The following PLA2G4F variants were observed in gnomAD, a reference collection of about 807,000 sequenced individuals.
The protein encoded by PLA2G4F is cytosolic phospholipase A2 zeta.
In PLA2G4F, 105 loss-of-function variants were observed where a neutral mutation model predicts 103.1. The observed-to-expected ratio is 1.02, with a 90% CI of 0.87 to 1.20. The LOEUF (loss-of-function observed/expected upper bound fraction) is 1.20, where lower values mean the gene tolerates loss of function less well. PLA2G4F is among the 50% of genes most tolerant of loss of function. The probability of loss-of-function intolerance (pLI) is 0.00; values close to 1 mark genes in which losing one functional copy is unlikely to be tolerated. For missense variants in PLA2G4F, 1,155 were observed against 1,075.9 expected (o/e 1.07, Z -1.03); for synonymous variants, 468 against 441.1 (o/e 1.06, Z -0.76).
chr15:42,141,588 G>A lies in PLA2G4F; in HGVS notation c.*396C>T. ...TCTGCTTTCCATCTCAGTGTAAGGA[G>A]GACAGCTGGCTTCTCAGTGCCCTCA... On this transcript the variant is annotated 3_prime_UTR_variant, in exon 20 of 20. Transcript: ENST00000397272. The A allele has an allele frequency of 2.1e-6, 1 of 465,870 alleles. No individual in the cohort carries two copies. The highest frequency in any genetic ancestry group is 6.8e-5 in the East Asian group (1 of 14,788). The allele number at this position is 465,870 out of a possible 1,614,324, so 28.9% of individuals were successfully genotyped here.
chr15:42,153,376 C>A (rs1351941529), intron 5 of PLA2G4F, 34 bp from the exon 6 acceptor site: 3 of 1,606,118 alleles, frequency 1.9e-6, no homozygotes, highest in African/African-American at 2.7e-5. Context: ...GAGAATACAT[C>A]TGGCCCCATC....
chr15:42,144,382 G>A (rs2048857996), intron 17 of PLA2G4F, 68 bp downstream of exon 17: 2 of 1,573,376 alleles, frequency 1.3e-6, no homozygotes, highest in East Asian at 2.2e-5. Flanking sequence ...AGCCAGCACT[G>A]GCTCCAGTGA....
chr15:42,155,787 C>T (rs1566883194), intron 1 of PLA2G4F, among the ~76,000 whole-genome samples, 198 bp from the exon 2 acceptor site: 1 of 152,138 alleles, frequency 6.6e-6, no homozygotes, highest in Non-Finnish European at 1.5e-5. Flanking sequence ...CCCTGGAACC[C>T]ATCCGGTCTG....
At chr15:42,143,846 C>T (rs2048849662) in intron 18 of PLA2G4F, 132 bp downstream of exon 18, 5 of 1,215,960 alleles carry the variant, frequency 4.1e-6, no homozygotes, top group Non-Finnish European at 4.5e-6. Flanking sequence ...GGAACCCAGG[C>T]CGTCCACAAA....
In PLA2G4F at chr15:42,151,651, A is replaced by C. The variant is rs546796412; in HGVS notation, c.602-874T>G. ...TGAGGCCCGGAGACTCGACATGACCAAGTGTGGGGAGGGAATTCAAGAAAA... is the reference window on the plus strand; with the variant it reads ...TGAGGCCCGGAGACTCGACATGACCCAGTGTGGGGAGGGAATTCAAGAAAA... On this transcript the variant is annotated intron_variant, in intron 7 of 19. Coordinates refer to ENST00000397272, the MANE Select transcript of PLA2G4F (RefSeq NM_213600.4). 83 of 985,304 alleles carry C rather than the reference A, an allele frequency of 8.4e-5. No homozygotes were observed. The African/African-American group carries it at 1.4e-3, about 16-fold the overall frequency. The allele number at this position is 985,304 out of a possible 1,614,324, so 61.0% of individuals were successfully genotyped here.
At chr15:42,152,084 T>C (rs1477675533) in intron 7 of PLA2G4F, among the ~76,000 whole-genome samples, 3 of 152,216 alleles carry the variant, frequency 2.0e-5, no homozygotes, top group Non-Finnish European at 4.4e-5. Flanking sequence ...TGGGTGGCTG[T>C]CCTCTGTGGC....
At position 42,150,776 on chromosome 15, in the gene PLA2G4F, G is replaced by C; in HGVS notation, c.603C>G (p.Gly201=). Residue 201 remains glycine (G), a splice_region_variant and synonymous_variant, in exon 8 of 20, where the codon GGC becomes GGG. Transcript: ENST00000397272. ...GDGTAPREEY[G]SRQLQLAVPG... is the part of the protein sequence containing the mutation. ...GCACTGCCAGCTGGAGCTGCCTAGA[G>C]CCTGAGAGCAGAGGGCCCAGGTGGG... The C allele has an allele frequency of 6.2e-7, 1 of 1,606,218 alleles. No individual in the cohort carries two copies. The highest frequency in any genetic ancestry group is 1.1e-5 in the South Asian group (1 of 89,524).
At chr15:42,146,368 T>A in intron 13 of PLA2G4F, 127 bp from the exon 14 acceptor site, 2 of 848,318 alleles carry the variant, frequency 2.4e-6, no homozygotes, top group Non-Finnish European at 3.7e-6. Flanking sequence ...CCAAGGCCAG[T>A]GCTGTAAGGA....
chr15:42,150,295 TG>T, intron 9 of PLA2G4F, 77 bp downstream of exon 9: 1 of 1,535,280 alleles, frequency 6.5e-7, no homozygotes. Flanking sequence ...GCCACCCTCT[TG>T]GGTCCCTCCT....
chr15:42,141,833 A>C lies in PLA2G4F; in HGVS notation c.*151T>G. The C allele has an allele frequency of 2.6e-6, 2 of 769,116 alleles. No individual in the cohort carries two copies. The highest frequency in any genetic ancestry group is 4.1e-6 in the Non-Finnish European group (2 of 482,112). The allele number at this position is 769,116 out of a possible 1,614,324, so 47.6% of individuals were successfully genotyped here. On this transcript the variant is annotated 3_prime_UTR_variant, in exon 20 of 20. Coordinates refer to ENST00000397272, the MANE Select transcript of PLA2G4F (RefSeq NM_213600.4). ...CCCCAGTCCAAGCTGCAATTCTGCA[A>C]GAGCTTTCCGGGGCCTGGGGCACCT...
At position 42,150,339 on chromosome 15, in the gene PLA2G4F, C is replaced by A. The variant is rs757433218; in HGVS notation, c.885+34G>T. The A allele has an allele frequency of 3.8e-6, 6 of 1,572,120 alleles. No individual in the cohort carries two copies. In the East Asian group the frequency reaches 6.8e-5, roughly 18 times the overall value. On this transcript the variant is annotated intron_variant, in intron 9 of 19. Coordinates refer to ENST00000397272, the MANE Select transcript of PLA2G4F (RefSeq NM_213600.4). Reference sequence around the variant, plus strand: ...TCTCTTGGTGGTCACAGAGAGCAGGCAGGGGTCCCTCTGGCACCCAGACAG... The same window carrying A: ...TCTCTTGGTGGTCACAGAGAGCAGGAAGGGGTCCCTCTGGCACCCAGACAG...
Position 42,145,626 on chromosome 15 carries a change from C to A in PLA2G4F, c.1729G>T (p.Gly577Cys), listed in dbSNP as rs781426338. 2 of 1,614,096 alleles carry A rather than the reference C, an allele frequency of 1.2e-6. No individual in the cohort carries two copies. The highest frequency in any genetic ancestry group is 1.7e-6 in the Non-Finnish European group (2 of 1,180,012). Residue 577 changes from glycine (G) to cysteine (C), a missense_variant, in exon 16 of 20, where the codon GGC becomes TGC. Gly to Cys is a radical substitution (Grantham distance 159). Coordinates refer to ENST00000397272, the MANE Select transcript of PLA2G4F (RefSeq NM_213600.4). The stretch of plus-strand genomic sequence containing the variant: ...CACTCCAGGAAGCTGAGGCCCGAGC[C>A]GGCGGTCTTTAGGAAGATCTCATCC... ...SLDEIFLKTAGSGLSFLEWYR... is the reference protein window; with the variant it reads ...SLDEIFLKTACSGLSFLEWYR...
Position 42,143,293 on chromosome 15 carries a change from T to C in PLA2G4F, c.2143-579A>G, listed in dbSNP as rs867349608. Among the ~76,000 whole-genome samples, 5 of 151,414 alleles carry C rather than the reference T, an allele frequency of 3.3e-5. No individual in the cohort carries two copies. In the South Asian group the frequency reaches 1.0e-3, roughly 32 times the overall value. On this transcript the variant is annotated intron_variant, in intron 18 of 19. Transcript: ENST00000397272. ...CCACTGCCTCAACAGCATTCCGCCA[T>C]GGTCCTCCAGGAACCACCATGGTCT...
intron 11 of PLA2G4F, chr15:42,149,308 C>T: frequency 1.7e-6 from 1 of 579,638 alleles, no homozygotes. Flanking sequence ...GAGGAGGAGA[C>T]CCCAAGGCGC....
At position 42,141,679 on chromosome 15, in the gene PLA2G4F, C is replaced by A; in HGVS notation, c.*305G>T. 1.9e-6 allele frequency: 1 copy of A among 527,714 alleles called. No homozygotes were observed. The allele number at this position is 527,714 out of a possible 1,614,324, so 32.7% of individuals were successfully genotyped here. ...GGTCCTTCTGTGTCTGGGGTGGGCT[C>A]TGTGGCTCACCTGATTCTCTCCACA... On this transcript the variant is annotated 3_prime_UTR_variant, in exon 20 of 20. Coordinates refer to ENST00000397272, the MANE Select transcript of PLA2G4F (RefSeq NM_213600.4).
intron 18 of PLA2G4F, among the ~76,000 whole-genome samples, chr15:42,143,197 A>AG (rs1349898337): frequency 8.2e-6 from 1 of 122,162 alleles, no homozygotes; most frequent in East Asian, 3.1e-4. Flanking sequence ...AAAAAAAAAA[A>AG]AAAAAAAAGC....
Position 42,145,655 on chromosome 15 carries a change from C to T in PLA2G4F, c.1700G>A (p.Ser567Asn). Residue 567 changes from serine to asparagine, a missense_variant, in exon 16 of 20, where the codon AGC becomes AAC. Physicochemically the swap from Ser to Asn is conservative, Grantham distance 46 (BLOSUM62 1). This residue lies in a region of PLA2G4F where 782 missense variants were observed against 692.9 expected (regional missense o/e 1.13). Coordinates refer to ENST00000397272, the MANE Select transcript of PLA2G4F (RefSeq NM_213600.4). The part of the protein sequence containing the change: ...QGMWGSAFAT[S>N]LDEIFLKTAG... ...GGTCTTTAGGAAGATCTCATCCAGGCTGGTGGCAAAGGCGCTGCCCCACAT... is the reference window on the plus strand; with the variant it reads ...GGTCTTTAGGAAGATCTCATCCAGGTTGGTGGCAAAGGCGCTGCCCCACAT... The T allele has an allele frequency of 6.2e-7, 1 of 1,614,156 alleles. No homozygotes were observed. Among genetic ancestry groups the T allele is most frequent in the Non-Finnish European group, 8.5e-7 (1 of 1,180,022 alleles).
At position 42,152,761 on chromosome 15, in the gene PLA2G4F, A is replaced by G. The variant is rs2048973642; in HGVS notation, c.535-7T>C. ...TTCTCAGACAGGGGTGAGCCTGAGG[A>G]AAGCAGAGGCCTGTAGGAGCCAGAC... On this transcript the variant is annotated splice_polypyrimidine_tract_variant and splice_region_variant and intron_variant, in intron 6 of 19. Transcript: ENST00000397272. 2 of 1,553,788 alleles carry G rather than the reference A, an allele frequency of 1.3e-6. No individual in the cohort carries two copies. The highest frequency in any genetic ancestry group is 1.7e-6 in the Non-Finnish European group (2 of 1,148,090).
intron 17 of PLA2G4F, 52 bp downstream of exon 17, chr15:42,144,398 A>T (rs1264557780): frequency 6.3e-7 from 1 of 1,591,306 alleles, no homozygotes; most frequent in Admixed American, 1.7e-5. Flanking sequence ...AGTGAGCCAG[A>T]GGTGCAGGCA....
Sources: allele counts gnomAD v4.1 joint callset (sites outside exome capture counted in the v4.1 genomes callset), GRCh38; gene constraint gnomAD v4.1.1; regional missense constraint gnomAD v4.1.1; transcripts MANE v1.5; gene names NCBI Gene and HGNC (gene_info 2026-07-23, HGNC 2026-07-21).